The following SSPN variants were observed in gnomAD, a reference collection of about 807,000 sequenced individuals.
SSPN encodes the protein K-ras oncogene-associated protein.
Under a neutral mutation model 19.1 loss-of-function variants are expected in SSPN, and 15 were observed. The ratio of observed to expected loss-of-function variants is 0.78; its 90% CI spans 0.52 to 1.21. The LOEUF is 1.21. Ranked by LOEUF, SSPN falls within the 50% of genes most tolerant of loss-of-function variation. The probability of loss-of-function intolerance (pLI) is 0.00; values close to 1 mark genes in which losing one functional copy is unlikely to be tolerated. For missense variants in SSPN, 291 were observed against 314.0 expected (o/e 0.93, Z 0.55); for synonymous variants, 147 against 140.3 (o/e 1.05, Z -0.34).
intron 1 of SSPN, among the ~76,000 whole-genome samples, chr12:26,221,012 T>C (rs1945115364): frequency 6.6e-6 from 1 of 152,226 alleles, no homozygotes; most frequent in Non-Finnish European, 1.5e-5. Flanking sequence ...AGGACCATTC[T>C]AAAAGGCAAA....
At chr12:26,213,128 A>G (rs948818011) in intron 1 of SSPN, among the ~76,000 whole-genome samples, 1 of 151,220 alleles carries the variant, frequency 6.6e-6, no homozygotes, top group Admixed American at 6.6e-5. Flanking sequence ...ATTGAAAAGC[A>G]TTTTTTTTTC....
In SSPN at chr12:26,147,277, T is replaced by TG. The variant is rs201004201; in HGVS notation, c.-31+25126dup. 6.7e-3 allele frequency among the ~76,000 whole-genome samples: 552 copies of TG among 82,026 alleles called. 4 individuals are homozygous for TG. Among genetic ancestry groups the TG allele is most frequent in the African/African-American group, 0.02 (512 of 25,564 alleles). 53.8% of individuals were successfully genotyped at this position (82,026 alleles called of 152,430 possible). ...ACGATAATTTTTGGGGTTTTTTTTG[T>TG]GTTTTTTTTTTTTGAGACAGAGTCT... On this transcript the variant is annotated intron_variant, in intron 1 of 2. Coordinates refer to the SSPN transcript ENST00000538142.
At chr12:26,133,993 G>A (rs2137398906) in intron 1 of SSPN, among the ~76,000 whole-genome samples, 1 of 152,242 alleles carries the variant, frequency 6.6e-6, no homozygotes, top group East Asian at 1.9e-4. Context: ...TATAGCCAGA[G>A]CAATTTTTCT....
intron 1 of SSPN, among the ~76,000 whole-genome samples, chr12:26,150,001 T>C (rs1185536383): frequency 1.3e-5 from 2 of 152,146 alleles, no homozygotes; most frequent in Non-Finnish European, 2.9e-5. Context: ...TTCTGAAAGG[T>C]AGGAAGAAAC....
At chr12:26,155,930 A>C (rs1944553404) in intron 1 of SSPN, among the ~76,000 whole-genome samples, 1 of 152,182 alleles carries the variant, frequency 6.6e-6, no homozygotes, top group Non-Finnish European at 1.5e-5. Context: ...CTCTCAGACA[A>C]AAGCTCCTGT....
At chr12:26,138,719 A>T (rs989018377) in intron 1 of SSPN, among the ~76,000 whole-genome samples, 2 of 152,066 alleles carry the variant, frequency 1.3e-5, no homozygotes, top group African/African-American at 4.8e-5. Flanking sequence ...ATTATTTTTA[A>T]AAAGCCAAGA....
chr12:26,170,053 T>C (rs1323161081), intron 1 of SSPN, among the ~76,000 whole-genome samples: 6 of 152,170 alleles, frequency 3.9e-5, no homozygotes, highest in Non-Finnish European at 8.8e-5. Flanking sequence ...GCAAAAATCA[T>C]CTGAAGAGAC....
chr12:26,215,303 C>T (rs1945035529), intron 1 of SSPN, among the ~76,000 whole-genome samples: 1 of 152,216 alleles, frequency 6.6e-6, no homozygotes. Context: ...GCACTCTCCT[C>T]TGTATCTTTA....
intron 1 of SSPN, among the ~76,000 whole-genome samples, chr12:26,170,142 A>G (rs891782407): frequency 6.6e-6 from 1 of 152,196 alleles, no homozygotes; most frequent in East Asian, 1.9e-4. Context: ...GCATTCCCCC[A>G]ATTCTCAACA....
At chr12:26,200,386 A>C (rs1306463118) in intron 1 of SSPN, among the ~76,000 whole-genome samples, 1 of 152,194 alleles carries the variant, frequency 6.6e-6, no homozygotes, top group Non-Finnish European at 1.5e-5. Flanking sequence ...TTGCAGGTTT[A>C]TTCAGGTTTT....
chr12:26,137,636 G>GTATGTGTATATATATA, intron 1 of SSPN, among the ~76,000 whole-genome samples: 1 of 31,354 alleles, frequency 3.2e-5, no homozygotes, highest in Non-Finnish European at 5.3e-5. Flanking sequence ...GTGTGTGTAT[G>GTATGTGTATATATATA]TATATATATA....
intron 1 of SSPN, among the ~76,000 whole-genome samples, chr12:26,186,011 A>G (rs1397939801): frequency 6.6e-6 from 1 of 152,210 alleles, no homozygotes; most frequent in African/African-American, 2.4e-5. Flanking sequence ...GAACTAAAGA[A>G]AGAATGCTTT....
rs893558436 is a variant in SSPN at position 26,233,445 on chromosome 12, A to G, written c.*2369A>G. 1 of 152,102 alleles carries G rather than the reference A, an allele frequency of 6.6e-6. No homozygotes were observed. Among genetic ancestry groups the G allele is most frequent in the Non-Finnish European group, 1.5e-5 (1 of 68,028 alleles). 9.4% of individuals were successfully genotyped at this position (152,102 alleles called of 1,614,324 possible). A position where few individuals can be genotyped will look rare whatever the true frequency, so the allele number is the denominator to read the frequency against. ...AATCATTCTTAAGTCCCCAAGGAAA[A>G]AAAATCATAAACAAATAGAAAGAAC... On this transcript the variant is annotated 3_prime_UTR_variant, in exon 3 of 3. Transcript: ENST00000242729. This position sits in a 1 kb window ranked among gnomAD's most constrained non-coding sequence, Gnocchi z 4.3.
intron 1 of SSPN, among the ~76,000 whole-genome samples, chr12:26,148,710 A>G (rs1291259538): frequency 6.6e-6 from 1 of 152,178 alleles, no homozygotes; most frequent in African/African-American, 2.4e-5. Context: ...TTCTTTTTAA[A>G]AAAGCTTGCT....
At chr12:26,156,744 A>G (rs1208821299) in intron 1 of SSPN, among the ~76,000 whole-genome samples, 1 of 152,148 alleles carries the variant, frequency 6.6e-6, no homozygotes, top group African/African-American at 2.4e-5. Context: ...AGGAAGACAC[A>G]CTCTGTAAAG....
At chr12:26,184,507 G>A (rs548717631) in intron 1 of SSPN, among the ~76,000 whole-genome samples, 4 of 152,334 alleles carry the variant, frequency 2.6e-5, no homozygotes. Flanking sequence ...GTGGGCTTGG[G>A]ATAGACCCTT....
chr12:26,226,268 T>C (rs1945174991), intron 2 of SSPN, among the ~76,000 whole-genome samples: 2 of 151,978 alleles, frequency 1.3e-5, no homozygotes, highest in African/African-American at 4.8e-5. Flanking sequence ...CTCACACTAC[T>C]GGGGGGGCGA....
intron 1 of SSPN, among the ~76,000 whole-genome samples, chr12:26,215,136 C>T (rs1406750389): frequency 6.6e-6 from 1 of 152,168 alleles, no homozygotes; most frequent in African/African-American, 2.4e-5. Flanking sequence ...CTTCTTTATA[C>T]TCCCGGTCCC....
chr12:26,208,707 G>T (rs905307872), intron 1 of SSPN, among the ~76,000 whole-genome samples: 1 of 151,778 alleles, frequency 6.6e-6, no homozygotes, highest in African/African-American at 2.4e-5. Flanking sequence ...TTGCTTTTGG[G>T]TATTCATATC....
Sources: gnomAD v4.1 joint callset for allele counts (sites outside exome capture counted in the v4.1 genomes callset) on GRCh38, gnomAD v4.1.1 for gene constraint, Gnocchi (gnomAD v3.1) non-coding constraint, MANE v1.5 for transcripts, NCBI Gene and HGNC (gene_info 2026-07-23, HGNC 2026-07-21) for gene names.